The following RGS6 variants were observed in gnomAD, a reference collection of about 807,000 sequenced individuals.
RGS6 encodes the protein regulator of G-protein signaling 6.
RGS6 carries 30 observed loss-of-function variants against 78.5 expected under a neutral mutation model. The observed-to-expected ratio is 0.38, with a 90% confidence interval of 0.29 to 0.52. The LOEUF (loss-of-function observed/expected upper bound fraction) is 0.52, where lower values mean the gene tolerates loss of function less well. Ranked by LOEUF, RGS6 falls within the 20% of genes least tolerant of loss-of-function variation. The pLI, the probability that RGS6 is intolerant of heterozygous loss-of-function variation, is 0.85. For missense variants in RGS6, 495 were observed against 609.7 expected, an observed-to-expected ratio of 0.81 and a Z score of 1.98; for synonymous variants, 206 against 206.0, an observed-to-expected ratio of 1.00 and a Z score of 0.00.
the RGS6 span, among the ~76,000 whole-genome samples, chr14:71,873,906 C>T: frequency 2.0e-5 from 3 of 152,162 alleles, no homozygotes; most frequent in African/African-American, 7.2e-5. Context: ...GGAATCCTTT[C>T]CCCATTTCTT....
intron 2 of RGS6, among the ~76,000 whole-genome samples, chr14:72,000,923 C>CT (rs1452084109): frequency 2.0e-5 from 3 of 152,150 alleles, no homozygotes; most frequent in Non-Finnish European, 4.4e-5. Context: ...TGGATTAATT[C>CT]TTCAGTGCCA....
intron 2 of RGS6, among the ~76,000 whole-genome samples, chr14:72,187,711 A>G (rs745765991): frequency 3.9e-5 from 6 of 152,052 alleles, no homozygotes; most frequent in African/African-American, 4.8e-5. Context: ...TCAGCCCCCA[A>G]TTCTCTTTTC....
chr14:72,554,631 CGA>C (rs543159727), intron 17 of RGS6, among the ~76,000 whole-genome samples: 8 of 152,100 alleles, frequency 5.3e-5, no homozygotes, highest in Non-Finnish European at 1.0e-4. Context: ...GGCATGCCAC[CGA>C]GAGGCCTTAC....
chr14:72,196,552 C>T (rs1186117444), intron 2 of RGS6, among the ~76,000 whole-genome samples: 3 of 152,108 alleles, frequency 2.0e-5, no homozygotes, highest in Admixed American at 2.0e-4. Flanking sequence ...TCTTGACATC[C>T]GATTTTCTCC....
intron 2 of RGS6, among the ~76,000 whole-genome samples, chr14:72,313,107 C>T (rs1256575463): frequency 6.6e-6 from 1 of 152,206 alleles, no homozygotes; most frequent in Non-Finnish European, 1.5e-5. Flanking sequence ...TTCCAGGTAA[C>T]TGTCAGTACC....
intron 12 of RGS6, among the ~76,000 whole-genome samples, chr14:72,491,881 C>T (rs2096582661): frequency 6.6e-6 from 1 of 152,170 alleles, no homozygotes; most frequent in Non-Finnish European, 1.5e-5. Context: ...TCAAGTCTGT[C>T]ACAGGAGACT....
At chr14:72,011,583 A>AT (rs1491589323) in intron 2 of RGS6, among the ~76,000 whole-genome samples, 369 of 9,372 alleles carry the variant, frequency 0.039, 3 homozygotes, top group African/African-American at 0.054. Flanking sequence ...TCAAAAATAT[A>AT]AAAAAAAAAA....
chr14:71,890,786 T>TTAA, the RGS6 span, among the ~76,000 whole-genome samples: 1 of 152,198 alleles, frequency 6.6e-6, no homozygotes, highest in African/African-American at 2.4e-5. Flanking sequence ...AGAATAAAAC[T>TTAA]ATTATTAGTG....
At chr14:72,337,186 G>C (rs2152640839) in intron 2 of RGS6, among the ~76,000 whole-genome samples, 1 of 152,182 alleles carries the variant, frequency 6.6e-6, no homozygotes, top group Non-Finnish European at 1.5e-5. Context: ...CCATGAGACT[G>C]TGGTGCTTCT....
At chr14:72,338,635 G>A (rs1476589664) in intron 2 of RGS6, among the ~76,000 whole-genome samples, 1 of 152,172 alleles carries the variant, frequency 6.6e-6, no homozygotes, top group Non-Finnish European at 1.5e-5. Context: ...ATCATATTTT[G>A]CCTTTTAAGA....
intron 3 of RGS6, among the ~76,000 whole-genome samples, chr14:72,435,712 G>GCTTCAAAGCCAGAA (rs1476887266): frequency 6.6e-6 from 1 of 151,720 alleles, no homozygotes; most frequent in African/African-American, 2.4e-5. Context: ...GCAGCTCTCT[G>GCTTCAAAGCCAGAA]GCATGTTTGT....
chr14:72,166,684 G>A (rs2096932507), intron 2 of RGS6, among the ~76,000 whole-genome samples: 1 of 152,198 alleles, frequency 6.6e-6, no homozygotes, highest in Non-Finnish European at 1.5e-5. Flanking sequence ...ATTGGAAGGA[G>A]TGGTTCCATC....
intron 10 of RGS6, 110 bp from the exon 11 acceptor site, chr14:72,476,632 A>G: frequency 1.4e-6 from 1 of 718,490 alleles, no homozygotes; most frequent in South Asian, 1.8e-5. Flanking sequence ...CCAATCTCTT[A>G]TTGTCATGAG....
chr14:72,088,206 C>G (rs1296443614), intron 2 of RGS6, among the ~76,000 whole-genome samples: 1 of 152,204 alleles, frequency 6.6e-6, no homozygotes, highest in East Asian at 1.9e-4. Context: ...AAATGGCACG[C>G]TTTGCTCATG....
intron 2 of RGS6, among the ~76,000 whole-genome samples, chr14:72,179,868 G>A (rs1045384507): frequency 3.3e-5 from 5 of 152,144 alleles, no homozygotes; most frequent in African/African-American, 1.2e-4. Flanking sequence ...CCAGCAATCA[G>A]TGTTATAATG....
chr14:72,428,891 A>G (rs1490246542), intron 3 of RGS6, among the ~76,000 whole-genome samples: 1 of 152,186 alleles, frequency 6.6e-6, no homozygotes, highest in Non-Finnish European at 1.5e-5. Context: ...CCTCCTCTAG[A>G]AGGAGTGATT....
chr14:72,581,331 T>C, the RGS6 span, among the ~76,000 whole-genome samples: 1 of 152,062 alleles, frequency 6.6e-6, no homozygotes, highest in African/African-American at 2.4e-5. Flanking sequence ...TGCCTCCATA[T>C]CCAATCATTT....
At chr14:72,025,867 A>G (rs1435164517) in intron 2 of RGS6, among the ~76,000 whole-genome samples, 1 of 152,208 alleles carries the variant, frequency 6.6e-6, no homozygotes, top group Non-Finnish European at 1.5e-5. Flanking sequence ...ATGTGTGGTT[A>G]TAAAGCCGTG....
chr14:72,468,679 T>A (rs909272052), intron 7 of RGS6, among the ~76,000 whole-genome samples: 2 of 152,200 alleles, frequency 1.3e-5, no homozygotes, highest in African/African-American at 4.8e-5. Context: ...GTCATTATAC[T>A]GTAGGTATCT....
Sources: allele counts gnomAD v4.1 joint callset (sites outside exome capture counted in the v4.1 genomes callset), GRCh38; gene constraint gnomAD v4.1.1; transcripts MANE v1.5; gene names NCBI Gene and HGNC (gene_info 2026-07-23, HGNC 2026-07-21).